SPAG16: variants seen among roughly 807,000 people sequenced by gnomAD.
SPAG16 encodes sperm associated antigen 16.
In SPAG16, 86 loss-of-function variants were observed where a neutral mutation model predicts 80.4. The observed-to-expected ratio is 1.07, with a 90% CI of 0.90 to 1.28. The LOEUF is 1.28. Ranked by LOEUF, SPAG16 falls within the 50% of genes most tolerant of loss-of-function variation. The pLI is 0.00. For synonymous variants in SPAG16, 294 were observed against 265.9 expected (o/e 1.11, Z -1.03); for missense variants, 870 against 765.3 (o/e 1.14, Z -1.61).
intron 10 of SPAG16, among the ~76,000 whole-genome samples, chr2:213,741,612 A>T (rs2067558842): frequency 6.6e-6 from 1 of 152,194 alleles, no homozygotes; most frequent in Non-Finnish European, 1.5e-5. Context: ...TTCAGATTTT[A>T]AAAAATAATT....
chr2:213,670,665 C>T (rs2063783340), intron 10 of SPAG16, among the ~76,000 whole-genome samples: 1 of 150,530 alleles, frequency 6.6e-6, no homozygotes, highest in Non-Finnish European at 1.5e-5. Context: ...ATTAATTTTC[C>T]AGAGCTCTGT....
In SPAG16 at chr2:213,877,713, C is replaced by G. The variant is rs539033428; in HGVS notation, c.1214+15085C>G. On this transcript the variant is annotated intron_variant, in intron 11 of 15. Coordinates refer to ENST00000331683, the MANE Select transcript of SPAG16 (RefSeq NM_024532.5). ...AATATCCACTTATGTATTTCCAACA[C>G]CTTATGGCACTGAAAAACTATTGTC... Among the ~76,000 whole-genome samples the G allele has an allele frequency of 2.6e-5, 4 of 152,050 alleles. No individual in the cohort carries two copies. In the South Asian group the frequency reaches 6.2e-4, roughly 24 times the overall value.
intron 9 of SPAG16, among the ~76,000 whole-genome samples, chr2:213,457,765 G>A (rs1390195448): frequency 1.3e-5 from 2 of 152,000 alleles, no homozygotes; most frequent in Admixed American, 6.5e-5. Context: ...ATTTCTGTCT[G>A]ACAGCATACT....
chr2:213,677,332 A>AT (rs1323387489), intron 10 of SPAG16, among the ~76,000 whole-genome samples: 1 of 152,202 alleles, frequency 6.6e-6, no homozygotes, highest in Non-Finnish European at 1.5e-5. Context: ...TAAATTGGAT[A>AT]AAGAGTCAAG....
At chr2:213,477,549 A>G (rs1420999308) in intron 9 of SPAG16, among the ~76,000 whole-genome samples, 1 of 152,164 alleles carries the variant, frequency 6.6e-6, no homozygotes, top group Non-Finnish European at 1.5e-5. Flanking sequence ...ATGATTTTGG[A>G]ACTTTAAGGT....
At chr2:213,657,669 G>A (rs1473844541) in intron 10 of SPAG16, among the ~76,000 whole-genome samples, 3 of 151,950 alleles carry the variant, frequency 2.0e-5, no homozygotes, top group African/African-American at 7.3e-5. Context: ...TCTTCCTTGG[G>A]AAACTTTTTA....
chr2:213,288,974 G>C (rs532855685), intron 1 of SPAG16, among the ~76,000 whole-genome samples: 2 of 152,192 alleles, frequency 1.3e-5, no homozygotes, highest in Non-Finnish European at 2.9e-5. Context: ...AATCCAGAGT[G>C]TTGATATTTA....
chr2:213,427,520 G>A (rs2125464189), intron 9 of SPAG16, among the ~76,000 whole-genome samples: 1 of 152,126 alleles, frequency 6.6e-6, no homozygotes, highest in South Asian at 2.1e-4. Context: ...GTTTTGACTG[G>A]CTTCTAATTT....
In SPAG16 at chr2:214,032,026, A is replaced by G. The variant is rs570934527; in HGVS notation, c.1527+17949A>G. 2.0e-5 allele frequency among the ~76,000 whole-genome samples: 3 copies of G among 152,284 alleles called. No individual in the cohort carries two copies. The East Asian group carries it at 5.8e-4, about 29-fold the overall frequency. Reference sequence around the variant, plus strand: ...ATCATGTCAGTCTTCAATAAGTCCAAGTTCCAGTTGCTCATAGTGTTCCCA... The same window carrying G: ...ATCATGTCAGTCTTCAATAAGTCCAGGTTCCAGTTGCTCATAGTGTTCCCA... On this transcript the variant is annotated intron_variant, in intron 13 of 15. Transcript: ENST00000331683.
intron 3 of SPAG16, among the ~76,000 whole-genome samples, chr2:213,301,632 C>T (rs1038718862): frequency 2.0e-5 from 3 of 152,090 alleles, no homozygotes; most frequent in Admixed American, 1.3e-4. Flanking sequence ...CTCATCTGAG[C>T]TACAGCATGC....
At chr2:214,095,708 A>G (rs1469516173) in intron 13 of SPAG16, among the ~76,000 whole-genome samples, 1 of 152,134 alleles carries the variant, frequency 6.6e-6, no homozygotes, top group Non-Finnish European at 1.5e-5. Context: ...ACTATCATAT[A>G]AAATATAGAT....
intron 13 of SPAG16, among the ~76,000 whole-genome samples, chr2:214,080,622 A>AG (rs397987723): frequency 1.3e-5 from 2 of 151,104 alleles, no homozygotes; most frequent in African/African-American, 4.8e-5. Context: ...AAAAAAAAAA[A>AG]TTAAAATAAA....
intron 10 of SPAG16, among the ~76,000 whole-genome samples, chr2:213,605,210 T>C (rs2061213532): frequency 6.6e-6 from 1 of 152,020 alleles, no homozygotes; most frequent in South Asian, 2.1e-4. Context: ...CTCAAAATAC[T>C]GGATAATTTT....
At position 213,309,707 on chromosome 2, in the gene SPAG16, G is replaced by A. The variant is rs145055319; in HGVS notation, c.280-352G>A. On this transcript the variant is annotated intron_variant, in intron 3 of 15. Coordinates refer to ENST00000331683, the MANE Select transcript of SPAG16 (RefSeq NM_024532.5). ...ATGACATCTTCACCACCCTAAATACGTAGCAACCCAGCTTCACATAAATAC... is the reference window on the plus strand; with the variant it reads ...ATGACATCTTCACCACCCTAAATACATAGCAACCCAGCTTCACATAAATAC... Among the ~76,000 whole-genome samples the A allele has an allele frequency of 4.4e-3, 675 of 151,980 alleles. 4 individuals are homozygous for A. The highest frequency in any genetic ancestry group is 0.015 in the African/African-American group (617 of 41,484).
chr2:214,079,038 G>A (rs2051228401), intron 13 of SPAG16, among the ~76,000 whole-genome samples: 1 of 152,076 alleles, frequency 6.6e-6, no homozygotes, highest in Non-Finnish European at 1.5e-5. Context: ...TACACGTTTA[G>A]GTCTTTCATG....
intron 15 of SPAG16, among the ~76,000 whole-genome samples, chr2:214,162,834 T>C (rs1475718542): frequency 4.6e-5 from 7 of 152,124 alleles, no homozygotes; most frequent in Admixed American, 6.6e-5. Flanking sequence ...CCTTTTAAAA[T>C]TTCAAACTGT....
chr2:214,248,977 C>T (rs1690054782), intron 15 of SPAG16, among the ~76,000 whole-genome samples: 1 of 152,038 alleles, frequency 6.6e-6, no homozygotes, highest in Non-Finnish European at 1.5e-5. Flanking sequence ...TTTTGGCATA[C>T]TTGAAAAACA....
chr2:213,738,420 A>T (rs563127341), intron 10 of SPAG16, among the ~76,000 whole-genome samples: 4 of 152,336 alleles, frequency 2.6e-5, no homozygotes, highest in African/African-American at 9.6e-5. Context: ...AACCTGTAAA[A>T]GATTTTCCAC....
At chr2:213,706,763 C>G (rs1278798503) in intron 10 of SPAG16, among the ~76,000 whole-genome samples, 1 of 152,206 alleles carries the variant, frequency 6.6e-6, no homozygotes, top group East Asian at 1.9e-4. Context: ...TGTGGGTCCA[C>G]AACTCCAGAG....
Sources: gnomAD v4.1 joint callset for allele counts (sites outside exome capture counted in the v4.1 genomes callset) on GRCh38, gnomAD v4.1.1 for gene constraint, MANE v1.5 for transcripts, NCBI Gene and HGNC (gene_info 2026-07-23, HGNC 2026-07-21) for gene names.